The following DIPK1A variants were observed in gnomAD, a reference collection of about 807,000 sequenced individuals.
DIPK1A encodes family with sequence similarity 69 member A.
In DIPK1A, 27 loss-of-function variants were observed where a neutral mutation model predicts 40.8. The observed-to-expected ratio is 0.66, with a 90% CI of 0.49 to 0.91. The LOEUF is 0.91. DIPK1A is among the 40% of genes least tolerant of loss of function. The pLI is 0.00. For synonymous variants in DIPK1A, 166 were observed against 171.3 expected (o/e 0.97, Z 0.24); for missense variants, 412 against 505.7 (o/e 0.81, Z 1.78).
intron 1 of DIPK1A, chr1:92,931,540 C>T (rs902702013): frequency 9.9e-5 from 14 of 141,636 alleles, no homozygotes; most frequent in South Asian, 6.2e-4. Context: ...TCAATCTGGC[C>T]AACATAGCGA....
intron 1 of DIPK1A, among the ~76,000 whole-genome samples, chr1:92,890,539 T>A (rs1004222948): frequency 2.0e-5 from 3 of 152,216 alleles, no homozygotes; most frequent in Non-Finnish European, 4.4e-5. Flanking sequence ...GTGTTTAATT[T>A]TATTGAATAG....
At chr1:92,839,223 G>A (rs1449419751), downstream of DIPK1A, among the ~76,000 whole-genome samples, 1 of 152,076 alleles carries the variant, frequency 6.6e-6, no homozygotes, top group Non-Finnish European at 1.5e-5. Flanking sequence ...GCTGGGCATG[G>A]TGGCTCACTC....
intron 2 of DIPK1A, among the ~76,000 whole-genome samples, chr1:92,856,140 C>T (rs913081243): frequency 6.6e-6 from 1 of 151,718 alleles, no homozygotes; most frequent in Non-Finnish European, 1.5e-5. Context: ...AAAAGATACA[C>T]TTTTAGCAAG....
At chr1:92,834,655 T>G (rs1687046175) in intron 4 of DIPK1A, 3 of 1,318,682 alleles carry the variant, frequency 2.3e-6, no homozygotes, top group African/African-American at 1.5e-5. Context: ...GCTAAGAGTC[T>G]TAAGCATTTT....
chr1:92,854,942 G>A (rs946896777), intron 2 of DIPK1A, among the ~76,000 whole-genome samples: 3 of 152,056 alleles, frequency 2.0e-5, no homozygotes, highest in Admixed American at 1.3e-4. Flanking sequence ...GTATGGTTTA[G>A]GGTTTCCAAG....
intron 1 of DIPK1A, among the ~76,000 whole-genome samples, chr1:92,959,839 G>A (rs990323062): frequency 4.8e-5 from 7 of 146,006 alleles, no homozygotes; most frequent in South Asian, 4.4e-4. Context: ...TCTCCGCTCC[G>A]GGGCTCAAGC....
intron 1 of DIPK1A, among the ~76,000 whole-genome samples, chr1:92,894,791 A>C (rs1341856902): frequency 6.6e-6 from 1 of 152,138 alleles, no homozygotes; most frequent in Non-Finnish European, 1.5e-5. Flanking sequence ...AGAAGAATCA[A>C]ATAGAGGCAA....
chr1:92,950,893 T>C (rs1033103448), intron 1 of DIPK1A, among the ~76,000 whole-genome samples: 1 of 152,232 alleles, frequency 6.6e-6, no homozygotes, highest in Non-Finnish European at 1.5e-5. Context: ...GGTACCACCG[T>C]TAAACCTAAT....
intron 4 of DIPK1A, chr1:92,833,128 G>T: frequency 1.5e-6 from 1 of 675,796 alleles, no homozygotes; most frequent in South Asian, 1.6e-5. Context: ...ATAAATTGGG[G>T]CCTGCATTTT....
chr1:92,886,359 C>T (rs1300876179), intron 1 of DIPK1A, among the ~76,000 whole-genome samples: 1 of 151,536 alleles, frequency 6.6e-6, no homozygotes, highest in African/African-American at 2.4e-5. Context: ...AAAAAATTTT[C>T]TTTTTAAATA....
chr1:92,840,366 G>A, downstream of DIPK1A: 1 of 574,070 alleles, frequency 1.7e-6, no homozygotes. Context: ...CATTGCATAA[G>A]GTGAAAATTG....
At chr1:92,851,421 T>C (rs1002541169) in intron 2 of DIPK1A, among the ~76,000 whole-genome samples, 1 of 151,016 alleles carries the variant, frequency 6.6e-6, no homozygotes, top group African/African-American at 2.4e-5. Flanking sequence ...CGGGCGCCTG[T>C]AATGCCAGCT....
intron 1 of DIPK1A, among the ~76,000 whole-genome samples, chr1:92,897,315 C>T (rs1286108443): frequency 6.6e-6 from 1 of 152,148 alleles, no homozygotes; most frequent in African/African-American, 2.4e-5. Context: ...CCATGGAATA[C>T]TATGCAGCCA....
intron 4 of DIPK1A, chr1:92,834,092 A>C (rs1019890376): frequency 4.0e-6 from 1 of 251,434 alleles, no homozygotes; most frequent in Non-Finnish European, 7.7e-6. Flanking sequence ...CAAGACACTG[A>C]AACCTAGTTT....
At chr1:92,833,339 TATC>T in intron 4 of DIPK1A, 1 of 1,414,186 alleles carries the variant, frequency 7.1e-7, no homozygotes, top group Non-Finnish European at 1.0e-6. Flanking sequence ...ATGTCAAAAG[TATC>T]ATAGGCTAAG....
At chr1:92,921,535 A>G (rs1235594634) in intron 1 of DIPK1A, among the ~76,000 whole-genome samples, 1 of 152,226 alleles carries the variant, frequency 6.6e-6, no homozygotes, top group African/African-American at 2.4e-5. Context: ...CTACATCCTA[A>G]GTGCTTTTGA....
intron 1 of DIPK1A, among the ~76,000 whole-genome samples, chr1:92,936,418 G>C (rs1437575244): frequency 1.3e-5 from 2 of 151,856 alleles, no homozygotes; most frequent in South Asian, 4.2e-4. Flanking sequence ...ACCCGAGGTC[G>C]GGAGTTTGAG....
Position 92,843,147 on chromosome 1 carries a change from C to A in DIPK1A, c.*236G>T. ...TTTAAAGTCAGTCAAAATAGTTACA[C>A]AATGAATGTACTTCGGAGATGTAAC... On this transcript the variant is annotated 3_prime_UTR_variant, in exon 5 of 5. Coordinates refer to ENST00000370310, the MANE Select transcript of DIPK1A (RefSeq NM_001006605.5). 1 of 1,228,776 alleles carries A rather than the reference C, an allele frequency of 8.1e-7. No homozygotes were observed. Among genetic ancestry groups the A allele is most frequent in the East Asian group, 3.9e-5 (1 of 25,946 alleles). The allele number at this position is 1,228,776 out of a possible 1,614,324, so 76.1% of individuals were successfully genotyped here.
At chr1:92,946,080 G>C (rs1393823454) in intron 1 of DIPK1A, among the ~76,000 whole-genome samples, 1 of 152,158 alleles carries the variant, frequency 6.6e-6, no homozygotes, top group African/African-American at 2.4e-5. Flanking sequence ...ATATGGTCTA[G>C]CTTCTGGGAA....
Sources: allele counts gnomAD v4.1 joint callset (sites outside exome capture counted in the v4.1 genomes callset), GRCh38; gene constraint gnomAD v4.1.1; transcripts MANE v1.5; gene names NCBI Gene and HGNC (gene_info 2026-07-23, HGNC 2026-07-21).